Variants in PIBF1 observed in about 807,000 individuals in gnomAD.
PIBF1 encodes the protein progesterone-induced-blocking factor 1.
PIBF1 carries 90 observed loss-of-function variants against 112.5 expected under a neutral mutation model. The observed-to-expected ratio is 0.80, with a 90% confidence interval of 0.67 to 0.95. The LOEUF (loss-of-function observed/expected upper bound fraction) is 0.95, where lower values mean the gene tolerates loss of function less well. PIBF1 is among the 40% of genes least tolerant of loss of function. The probability of loss-of-function intolerance (pLI) is 0.00; values close to 1 mark genes in which losing one functional copy is unlikely to be tolerated. For missense variants in PIBF1, 915 were observed against 852.3 expected, an observed-to-expected ratio of 1.07 and a Z score of -0.92; for synonymous variants, 301 against 288.6, an observed-to-expected ratio of 1.04 and a Z score of -0.44.
chr13:72,861,426 T>G (rs998370867), intron 10 of PIBF1, among the ~76,000 whole-genome samples: 1 of 152,164 alleles, frequency 6.6e-6, no homozygotes, highest in African/African-American at 2.4e-5. Context: ...TTTGTCCTCA[T>G]TTTGTATTAG....
intron 6 of PIBF1, among the ~76,000 whole-genome samples, chr13:72,823,097 A>C (rs2036635428): frequency 6.6e-6 from 1 of 152,244 alleles, no homozygotes; most frequent in African/African-American, 2.4e-5. Flanking sequence ...TCATCTCTTA[A>C]AAATATAAAA....
rs115584429 is a variant in PIBF1 at position 72,855,251 on chromosome 13, C to A, written c.1322+1096C>A. ...CATATAATTAACCTATTGTAAAAAT[C>A]TTTTAGAATGGCTCAAATTGTCATA... On this transcript the variant is annotated intron_variant, in intron 10 of 17. Coordinates refer to ENST00000326291, the MANE Select transcript of PIBF1 (RefSeq NM_006346.4). Among the ~76,000 whole-genome samples, 1,053 of 152,230 alleles carry A rather than the reference C, an allele frequency of 6.9e-3. 15 individuals are homozygous for A. Among genetic ancestry groups the A allele is most frequent in the African/African-American group, 0.024 (1,016 of 41,542 alleles).
At chr13:72,790,466 T>TACACACAC (rs1566271692) in intron 2 of PIBF1, among the ~76,000 whole-genome samples, 41 of 96,076 alleles carry the variant, frequency 4.3e-4, no homozygotes, top group South Asian at 1.5e-3. Context: ...CACACACACT[T>TACACACAC]ATAGATAGAT....
At chr13:73,007,112 G>T (rs2044054823) in intron 17 of PIBF1, among the ~76,000 whole-genome samples, 1 of 151,194 alleles carries the variant, frequency 6.6e-6, no homozygotes, top group Non-Finnish European at 1.5e-5. Flanking sequence ...TTAAAATAAG[G>T]ACCCTACTCA....
chr13:72,790,425 A>T (rs367713285), intron 2 of PIBF1, among the ~76,000 whole-genome samples: 10 of 72,124 alleles, frequency 1.4e-4, no homozygotes, highest in African/African-American at 4.0e-4. Flanking sequence ...AGTCCATCAC[A>T]CACACACACA....
Position 72,827,804 on chromosome 13 carries a change from G to T in PIBF1, c.987G>T (p.Glu329Asp). ...DKEYLNRQNMELSVRCAHEED... is the reference protein window; with the variant it reads ...DKEYLNRQNMDLSVRCAHEED... ...AATATCTTAATCGCCAAAACATGGA[G>T]CTTAGTGTTCGCTGTGCTCATGAAG... Residue 329 changes from glutamate (E) to aspartate (D), a missense_variant, in exon 8 of 18, where the codon GAG becomes GAT. Transcript: ENST00000326291. 1 of 1,604,736 alleles carries T rather than the reference G, an allele frequency of 6.2e-7. No homozygotes were observed. Among genetic ancestry groups the T allele is most frequent in the Non-Finnish European group, 8.5e-7 (1 of 1,175,722 alleles).
intron 10 of PIBF1, among the ~76,000 whole-genome samples, chr13:72,858,023 T>TTGTGTGTG (rs374331152): frequency 7.1e-6 from 1 of 141,224 alleles, no homozygotes; most frequent in Non-Finnish European, 1.5e-5. Flanking sequence ...CAAATGTACA[T>TTGTGTGTG]TGTGTGTGTG....
intron 5 of PIBF1, among the ~76,000 whole-genome samples, chr13:72,817,481 C>T (rs559596158): frequency 6.6e-6 from 1 of 152,166 alleles, no homozygotes; most frequent in Admixed American, 6.5e-5. Flanking sequence ...ATTTAATGTC[C>T]TCTTTTGTTC....
At chr13:72,940,163 A>G (rs1176283655) in intron 14 of PIBF1, among the ~76,000 whole-genome samples, 1 of 152,134 alleles carries the variant, frequency 6.6e-6, no homozygotes, top group Non-Finnish European at 1.5e-5. Flanking sequence ...TAGGTTGCTT[A>G]AAGTTATTCT....
chr13:73,010,977 C>A (rs1594366124), intron 17 of PIBF1, among the ~76,000 whole-genome samples: 1 of 151,582 alleles, frequency 6.6e-6, no homozygotes, highest in African/African-American at 2.4e-5. Flanking sequence ...CAGGTGCCTG[C>A]CACCACACCC....
At chr13:72,792,592 ATT>A in intron 3 of PIBF1, 45 bp downstream of exon 3, 1 of 980,852 alleles carries the variant, frequency 1.0e-6, no homozygotes, top group Non-Finnish European at 1.5e-6. Flanking sequence ...CTATTTAGCA[ATT>A]AAAAGTAATT....
Position 72,961,315 on chromosome 13 carries a change from C to T in PIBF1, c.1834-3959C>T, listed in dbSNP as rs143680172. On this transcript the variant is annotated intron_variant, in intron 14 of 17. Transcript: ENST00000326291. ...TTTCCACTATATCCATCCCACTGTT[C>T]CCTGCTTCTTCAGCTCCTGGGCTTC... Among the ~76,000 whole-genome samples the T allele has an allele frequency of 6.0e-4, 92 of 152,124 alleles. No homozygotes were observed. In the East Asian group the frequency reaches 0.016, roughly 27 times the overall value.
chr13:72,931,718 G>GTGTATATATATATATATATA (rs1555317840), intron 14 of PIBF1, among the ~76,000 whole-genome samples: 1 of 101,978 alleles, frequency 9.8e-6, no homozygotes, highest in Non-Finnish European at 2.0e-5. Flanking sequence ...TTTAAACTAC[G>GTGTATATATATATATATATA]TATATATATA....
chr13:72,819,048 A>G (rs908188332), intron 5 of PIBF1, among the ~76,000 whole-genome samples: 1 of 152,048 alleles, frequency 6.6e-6, no homozygotes, highest in African/African-American at 2.4e-5. Context: ...CTTCCAACAA[A>G]TCTACTCACA....
intron 14 of PIBF1, among the ~76,000 whole-genome samples, chr13:72,949,406 C>G (rs965772828): frequency 6.9e-6 from 1 of 144,660 alleles, no homozygotes; most frequent in Non-Finnish European, 1.5e-5. Context: ...ACCTCTGCCT[C>G]CTGGGCTCAA....
At chr13:72,975,347 G>A (rs1006138452) in intron 16 of PIBF1, among the ~76,000 whole-genome samples, 4 of 152,028 alleles carry the variant, frequency 2.6e-5, no homozygotes, top group African/African-American at 4.8e-5. Context: ...GAGCCACCGC[G>A]CCCGACCAGA....
intron 9 of PIBF1, among the ~76,000 whole-genome samples, chr13:72,844,787 A>ACG (rs1439498868): frequency 3.6e-4 from 45 of 125,714 alleles, no homozygotes; most frequent in African/African-American, 1.4e-3. Context: ...ACACACACAC[A>ACG]CACACACACA....
At chr13:73,007,232 AAC>A (rs1410659195) in intron 17 of PIBF1, among the ~76,000 whole-genome samples, 2 of 151,758 alleles carry the variant, frequency 1.3e-5, no homozygotes, top group South Asian at 2.1e-4. Flanking sequence ...AGAAAAAAGA[AAC>A]ACTGCTGATC....
chr13:72,797,289 G>C (rs996184288), intron 4 of PIBF1, among the ~76,000 whole-genome samples: 2 of 152,102 alleles, frequency 1.3e-5, no homozygotes, highest in African/African-American at 2.4e-5. Context: ...TTAGGCATTG[G>C]AAATACAGCG....
Sources: gnomAD v4.1 joint callset for allele counts (sites outside exome capture counted in the v4.1 genomes callset) on GRCh38, gnomAD v4.1.1 for gene constraint, MANE v1.5 for transcripts, NCBI Gene and HGNC (gene_info 2026-07-23, HGNC 2026-07-21) for gene names.